Variants in NT5E observed in about 807,000 individuals in gnomAD.
NT5E encodes the protein 5'-nucleotidase ecto.
In NT5E, 53 loss-of-function variants were observed where a neutral mutation model predicts 55.1. The ratio of observed to expected loss-of-function variants is 0.96; its 90% CI spans 0.77 to 1.21. The LOEUF is 1.21. Ranked by LOEUF, NT5E falls within the 50% of genes most tolerant of loss-of-function variation. The probability of loss-of-function intolerance (pLI) is 0.00; values close to 1 mark genes in which losing one functional copy is unlikely to be tolerated. For missense variants in NT5E, 683 were observed against 724.3 expected (o/e 0.94, Z 0.65); for synonymous variants, 270 against 278.4 (o/e 0.97, Z 0.30).
chr6:85,471,863 AG>A (rs1267460874), intron 3 of NT5E, among the ~76,000 whole-genome samples: 2 of 152,228 alleles, frequency 1.3e-5, no homozygotes, highest in Admixed American at 6.5e-5. Context: ...TAGGTTGCAC[AG>A]GTAGCAGAGG....
intron 2 of NT5E, among the ~76,000 whole-genome samples, chr6:85,469,994 G>A (rs957756591): frequency 2.0e-5 from 3 of 152,184 alleles, no homozygotes; most frequent in Admixed American, 2.0e-4. Flanking sequence ...TCAAACTGGA[G>A]TTTGCAGACT....
Position 85,450,595 on chromosome 6 carries a change from G to C in NT5E, c.339+117G>C. ...AGGTCCAGGGCGCGGAGAGATGTGG[G>C]GATAAAGTGAGACTCCGGCCAGTGT... On this transcript the variant is annotated intron_variant, in intron 1 of 8. Transcript: ENST00000257770. The surrounding 1 kb of genome is among the most constrained non-coding windows in gnomAD (Gnocchi z 4.0). 1.0e-6 allele frequency: 1 copy of C among 960,668 alleles called. No individual in the cohort carries two copies. Among genetic ancestry groups the C allele is most frequent in the East Asian group, 2.6e-5 (1 of 38,182 alleles). 59.5% of individuals were successfully genotyped at this position (960,668 alleles called of 1,614,324 possible). A position where few individuals can be genotyped will look rare whatever the true frequency, so the allele number is the denominator to read the frequency against.
chr6:85,490,675 T>C lies in NT5E; in HGVS notation c.1360+18T>C, dbSNP rs772136590. 3.2e-5 allele frequency: 51 copies of C among 1,612,202 alleles called. No individual in the cohort carries two copies. The highest frequency in any genetic ancestry group is 1.4e-5 in the Non-Finnish European group (16 of 1,179,808). On this transcript the variant is annotated intron_variant, in intron 7 of 8. Transcript: ENST00000257770. ...GGTGGGCGGTAAGTCACCCATCCTG[T>C]AGGGCTGGCCCATCCAAAGTGACAT...
chr6:85,453,818 C>G (rs1279682504), intron 1 of NT5E, among the ~76,000 whole-genome samples: 1 of 152,192 alleles, frequency 6.6e-6, no homozygotes, highest in Non-Finnish European at 1.5e-5. Context: ...ACAGGTTAGT[C>G]AGATAGATGG....
chr6:85,479,873 C>G (rs1769510278), intron 3 of NT5E, among the ~76,000 whole-genome samples: 1 of 152,010 alleles, frequency 6.6e-6, no homozygotes, highest in Non-Finnish European at 1.5e-5. Flanking sequence ...TTTATAGAAG[C>G]CTGTTCTATA....
chr6:85,489,212 G>A (rs757683520), intron 5 of NT5E, among the ~76,000 whole-genome samples: 7 of 152,112 alleles, frequency 4.6e-5, no homozygotes, highest in African/African-American at 1.2e-4. Flanking sequence ...GCCCAGTCCC[G>A]ACACCAGGGC....
rs775230158 is a variant in NT5E, at chr6:85,450,128, C to T, written c.-12C>T. The T allele has an allele frequency of 3.2e-6, 5 of 1,555,976 alleles. No homozygotes were observed. In the Admixed American group the frequency reaches 7.5e-5, roughly 23 times the overall value. On this transcript the variant is annotated 5_prime_UTR_variant, in exon 1 of 9. In the 5' UTR this introduces an upstream ATG that the reference lacks. Transcript: ENST00000257770. This position sits in a 1 kb window ranked among gnomAD's most constrained non-coding sequence, Gnocchi z 4.0. ...CTCGCCCGCTTTCGCACCCAGTTCA[C>T]GCGCCACAGCTATGTGTCCCCGAGC... is the stretch of plus-strand genomic sequence containing the variant.
At chr6:85,487,574 TC>T (rs1445819438) in intron 5 of NT5E, 85 bp downstream of exon 5, 1 of 1,526,496 alleles carries the variant, frequency 6.6e-7, no homozygotes, top group Non-Finnish European at 9.1e-7. Flanking sequence ...AAGGGATAGA[TC>T]GATAGCTACA....
Position 85,490,587 on chromosome 6 carries a change from C to A in NT5E, c.1290C>A (p.Thr430=), listed in dbSNP as rs1357220045. The change falls in exon 7 of 9, where the codon ACC becomes ACA. Residue 430 remains threonine, a synonymous_variant. Transcript: ENST00000257770. ...ACCTAGTCCAGTTAAAAGGTTCCAC[C>A]CTGAAGAAGGCCTTTGAGCATAGCG... The part of the protein sequence containing the change: ...TFDLVQLKGS[T]LKKAFEHSVH... The A allele has an allele frequency of 6.2e-7, 1 of 1,614,168 alleles. No homozygotes were observed. Among genetic ancestry groups the A allele is most frequent in the African/African-American group, 1.3e-5 (1 of 75,036 alleles).
chr6:85,472,653 T>A (rs903146130), intron 3 of NT5E, among the ~76,000 whole-genome samples: 10 of 152,226 alleles, frequency 6.6e-5, no homozygotes, highest in Admixed American at 5.9e-4. Flanking sequence ...TGAAAGCAGT[T>A]TATAAACTAT....
At chr6:85,491,902 G>A (rs1436359180) in intron 7 of NT5E, 75 bp from the exon 8 acceptor site, 1 of 1,363,260 alleles carries the variant, frequency 7.3e-7, no homozygotes, top group Non-Finnish European at 1.1e-6. Context: ...CCCAATTGTA[G>A]AGTTTGGCCA....
rs529840667 is a variant in NT5E, at chr6:85,450,120, C to G, written c.-20C>G. ...TCGCCCGGCTCGCCCGCTTTCGCAC[C>G]CAGTTCACGCGCCACAGCTATGTGT... On this transcript the variant is annotated 5_prime_UTR_variant, in exon 1 of 9. Coordinates refer to ENST00000257770, the MANE Select transcript of NT5E (RefSeq NM_002526.4). This position sits in a 1 kb window ranked among gnomAD's most constrained non-coding sequence, Gnocchi z 4.0. 6.5e-7 allele frequency: 1 copy of G among 1,547,184 alleles called. No homozygotes were observed. Among genetic ancestry groups the G allele is most frequent in the South Asian group, 1.2e-5 (1 of 84,906 alleles).
chr6:85,469,456 G>C (rs1318494218), intron 2 of NT5E, among the ~76,000 whole-genome samples: 2 of 152,308 alleles, frequency 1.3e-5, no homozygotes, highest in African/African-American at 4.8e-5. Flanking sequence ...TTCAGTGGGG[G>C]AATCAATAAA....
chr6:85,491,863 A>T, intron 7 of NT5E, 114 bp from the exon 8 acceptor site: 1 of 919,926 alleles, frequency 1.1e-6, no homozygotes, highest in Non-Finnish European at 1.8e-6. Context: ...ACTCAGGTTT[A>T]AACCAAAGGA....
At chr6:85,489,387 A>T in intron 5 of NT5E, 107 bp from the exon 6 acceptor site, 2 of 758,902 alleles carry the variant, frequency 2.6e-6, no homozygotes, top group Non-Finnish European at 2.4e-6. Context: ...ACACAGCAGC[A>T]GGTGAAAAGC....
At chr6:85,454,444 GAT>G (rs1266230911) in intron 1 of NT5E, among the ~76,000 whole-genome samples, 1 of 152,104 alleles carries the variant, frequency 6.6e-6, no homozygotes, top group Non-Finnish European at 1.5e-5. Context: ...GACATTTTTT[GAT>G]ATGTTTGTTA....
intron 4 of NT5E, 63 bp from the exon 5 acceptor site, chr6:85,487,272 C>G (rs3812139): frequency 0.11 from 157,187 of 1,393,284 alleles, 11,065 homozygotes; most frequent in African/African-American, 0.34. Context: ...TGTTTCATTC[C>G]TTTTCCAGAA....
At chr6:85,466,610 C>G (rs549391097) in intron 1 of NT5E, among the ~76,000 whole-genome samples, 41 of 152,272 alleles carry the variant, frequency 2.7e-4, no homozygotes, top group African/African-American at 9.9e-4. Context: ...AGGAAGGAGG[C>G]CTTTGGTCTC....
intron 7 of NT5E, 106 bp from the exon 8 acceptor site, chr6:85,491,871 G>A: frequency 1.0e-6 from 1 of 998,238 alleles, no homozygotes; most frequent in Non-Finnish European, 1.6e-6. Context: ...TTAAACCAAA[G>A]GAAAAACCAC....
Sources: gnomAD v4.1 joint callset for allele counts (sites outside exome capture counted in the v4.1 genomes callset) on GRCh38, gnomAD v4.1.1 for gene constraint, Gnocchi (gnomAD v3.1) non-coding constraint, MANE v1.5 for transcripts, NCBI Gene and HGNC (gene_info 2026-07-23, HGNC 2026-07-21) for gene names.